CRPPA: variants seen among roughly 807,000 people sequenced by gnomAD.
CRPPA encodes the protein D-ribitol-5-phosphate cytidylyltransferase.
CRPPA carries 43 observed loss-of-function variants against 52.0 expected under a neutral mutation model. The observed-to-expected ratio is 0.83, with a 90% CI of 0.65 to 1.07. The LOEUF is 1.07. Ranked by LOEUF, CRPPA falls within the 50% of genes least tolerant of loss-of-function variation. The pLI is 0.00. For missense variants in CRPPA, 629 were observed against 551.7 expected (o/e 1.14, Z -1.40); for synonymous variants, 250 against 203.5 (o/e 1.23, Z -1.94).
rs565259414 is a variant in CRPPA at position 16,283,723 on chromosome 7, C to G, written c.836-5497G>C. Among the ~76,000 whole-genome samples the G allele has an allele frequency of 4.0e-5, 6 of 151,846 alleles. No individual in the cohort carries two copies. In the South Asian group the frequency reaches 1.2e-3, roughly 32 times the overall value. ...TAGAGCTGCATTCAGTCGCCCATTG[C>G]ACAGAGACTTTGATATTTCTGATAT... is the stretch of plus-strand genomic sequence containing the variant. On this transcript the variant is annotated intron_variant, in intron 5 of 9. Transcript: ENST00000407010.
rs760421827 is a variant in CRPPA, at chr7:16,376,135, G to A, written c.641C>T (p.Pro214Leu). ...AATCACATCAAATAGAAAAGCTTGG[G>A]GCATTTCACTTGCTCTGTGTCTGGC... ...ERARHRASEM[P>L]QAFLFDVIYE... Residue 214 changes from proline (P) to leucine (L), a missense_variant, in exon 3 of 10, where the codon CCC becomes CTC. Coordinates refer to ENST00000407010, the MANE Select transcript of CRPPA (RefSeq NM_001101426.4). 8 of 1,611,404 alleles carry A rather than the reference G, an allele frequency of 5.0e-6. No individual in the cohort carries two copies. The African/African-American group carries it at 6.7e-5, about 13-fold the overall frequency.
intron 8 of CRPPA, among the ~76,000 whole-genome samples, chr7:16,224,023 A>G (rs1782588047): frequency 6.6e-6 from 1 of 152,144 alleles, no homozygotes; most frequent in Admixed American, 6.5e-5. Context: ...GCCCCCCACA[A>G]AAAAGAATAT....
intron 2 of CRPPA, among the ~76,000 whole-genome samples, chr7:16,391,149 T>C (rs140161873): frequency 3.3e-4 from 51 of 152,266 alleles, no homozygotes; most frequent in Middle Eastern, 3.4e-3. Flanking sequence ...CTGCAACAAA[T>C]TGAACTCAAA....
chr7:16,339,404 C>T (rs1340521517), intron 3 of CRPPA, among the ~76,000 whole-genome samples: 2 of 152,094 alleles, frequency 1.3e-5, no homozygotes, highest in Non-Finnish European at 2.9e-5. Flanking sequence ...AAAAATCCAT[C>T]AGTGTAACCT....
chr7:16,377,773 AAGTTCCC>A (rs1786934500), intron 2 of CRPPA, among the ~76,000 whole-genome samples: 1 of 152,112 alleles, frequency 6.6e-6, no homozygotes, highest in Admixed American at 6.5e-5. Flanking sequence ...CCCTCACCCC[AAGTTCCC>A]AGTATGAAGG....
At chr7:16,214,308 G>C (rs1782243525) in intron 9 of CRPPA, among the ~76,000 whole-genome samples, 1 of 152,122 alleles carries the variant, frequency 6.6e-6, no homozygotes, top group Non-Finnish European at 1.5e-5. Context: ...AGTGCATACA[G>C]ACCCTTTTGC....
intron 3 of CRPPA, among the ~76,000 whole-genome samples, chr7:16,358,596 G>C (rs1421437473): frequency 1.3e-5 from 2 of 151,996 alleles, no homozygotes; most frequent in Non-Finnish European, 2.9e-5. Context: ...TCATTACTAG[G>C]AATCAAAAAC....
chr7:16,301,301 G>C (rs1343746616), intron 5 of CRPPA, 120 bp downstream of exon 5: 3 of 714,322 alleles, frequency 4.2e-6, no homozygotes, highest in Non-Finnish European at 4.9e-6. Flanking sequence ...ACAAATCAGA[G>C]ACCTTGGCCT....
At chr7:16,334,641 A>C (rs1351682104) in intron 3 of CRPPA, among the ~76,000 whole-genome samples, 2 of 152,152 alleles carry the variant, frequency 1.3e-5, no homozygotes, top group Non-Finnish European at 2.9e-5. Context: ...CAAATCACAG[A>C]TGATTGCAGA....
Position 16,369,827 on chromosome 7 carries a change from G to A in CRPPA, c.684+6265C>T, listed in dbSNP as rs557573884. On this transcript the variant is annotated intron_variant, in intron 3 of 9. Transcript: ENST00000407010. ...CAGGAAAAATACAAAAGAATCCACAGACCCTTTGAAAGAAGTGGCAGGCTG... is the reference window on the plus strand; with the variant it reads ...CAGGAAAAATACAAAAGAATCCACAAACCCTTTGAAAGAAGTGGCAGGCTG... Among the ~76,000 whole-genome samples the A allele has an allele frequency of 1.1e-3, 168 of 152,194 alleles. 1 individual carries two copies. Among genetic ancestry groups the A allele is most frequent in the African/African-American group, 3.8e-3 (159 of 41,532 alleles).
At chr7:16,156,945 G>A (rs1227999752) in intron 9 of CRPPA, among the ~76,000 whole-genome samples, 1 of 152,154 alleles carries the variant, frequency 6.6e-6, no homozygotes, top group African/African-American at 2.4e-5. Flanking sequence ...CCAAAGAGGT[G>A]ACATCTTTTG....
chr7:16,316,159 G>A (rs976887999), intron 3 of CRPPA, among the ~76,000 whole-genome samples: 16 of 152,062 alleles, frequency 1.1e-4, no homozygotes, highest in Admixed American at 9.8e-4. Flanking sequence ...AACAAAGGGA[G>A]TTGCTAGGAC....
At chr7:16,293,952 T>TC (rs35342831) in intron 5 of CRPPA, among the ~76,000 whole-genome samples, 4 of 151,964 alleles carry the variant, frequency 2.6e-5, no homozygotes, top group Non-Finnish European at 4.4e-5. Flanking sequence ...TAGCTTTCTT[T>TC]CCCCTTCTTT....
At chr7:16,271,212 TC>T in intron 6 of CRPPA, among the ~76,000 whole-genome samples, 1 of 152,230 alleles carries the variant, frequency 6.6e-6, no homozygotes, top group Non-Finnish European at 1.5e-5. Context: ...AGATCAGCAT[TC>T]TTTAGGAGTT....
chr7:16,096,613 G>T (rs1781939716), intron 9 of CRPPA, among the ~76,000 whole-genome samples: 1 of 152,066 alleles, frequency 6.6e-6, no homozygotes, highest in Non-Finnish European at 1.5e-5. Context: ...TGTCAATTTT[G>T]TTTTAGAAAA....
At chr7:16,366,959 G>C (rs1786610652) in intron 3 of CRPPA, among the ~76,000 whole-genome samples, 1 of 152,032 alleles carries the variant, frequency 6.6e-6, no homozygotes, top group Non-Finnish European at 1.5e-5. Flanking sequence ...GTGCCACTTT[G>C]GTACTGTGGT....
intron 9 of CRPPA, among the ~76,000 whole-genome samples, chr7:16,212,202 CT>C (rs1429444312): frequency 6.6e-6 from 1 of 152,132 alleles, no homozygotes; most frequent in African/African-American, 2.4e-5. Context: ...TATCCCATGG[CT>C]TCTCCGTGGC....
rs2128387663 is a variant in CRPPA, at chr7:16,181,288, T to C, written c.1251+34778A>G. Among the ~76,000 whole-genome samples, 2 of 152,060 alleles carry C rather than the reference T, an allele frequency of 1.3e-5. 1 individual carries two copies. ...AAAAATTATATACTAATTATAAACC[T>C]TTGAAAACTACTTCCTTTCCAAATG... On this transcript the variant is annotated intron_variant, in intron 9 of 9. Transcript: ENST00000407010.
intron 4 of CRPPA, among the ~76,000 whole-genome samples, chr7:16,301,937 A>G (rs369653692): frequency 3.3e-5 from 5 of 152,318 alleles, no homozygotes; most frequent in South Asian, 2.1e-4. Flanking sequence ...ATGAACCTAG[A>G]TAAGATTCAC....
Sources: allele counts gnomAD v4.1 joint callset (sites outside exome capture counted in the v4.1 genomes callset), GRCh38; gene constraint gnomAD v4.1.1; transcripts MANE v1.5; gene names NCBI Gene and HGNC (gene_info 2026-07-23, HGNC 2026-07-21).